Variants in UBE3D observed in about 807,000 individuals in gnomAD.
The protein encoded by UBE3D is E3 ubiquitin-protein ligase E3D.
Under a neutral mutation model 49.6 loss-of-function variants are expected in UBE3D, and 48 were observed. That is an observed-to-expected ratio of 0.97 (90% CI 0.77 to 1.23). The LOEUF is 1.23. Ranked by LOEUF, UBE3D falls within the 50% of genes most tolerant of loss-of-function variation. UBE3D has a pLI of 0.00. For missense variants in UBE3D, 452 were observed against 468.4 expected (o/e 0.96, Z 0.32); for synonymous variants, 189 against 174.2 (o/e 1.08, Z -0.67).
intron 9 of UBE3D, among the ~76,000 whole-genome samples, chr6:82,946,365 T>A (rs1489708881): frequency 6.6e-6 from 1 of 151,344 alleles, no homozygotes; most frequent in Non-Finnish European, 1.5e-5. Context: ...CTATTTAAAA[T>A]GCTGAAGGAA....
chr6:82,989,499 C>T (rs1477967263), intron 8 of UBE3D, among the ~76,000 whole-genome samples: 2 of 151,970 alleles, frequency 1.3e-5, no homozygotes, highest in East Asian at 3.9e-4. Flanking sequence ...TGTAAAGGGC[C>T]AGATAGTAAA....
At chr6:83,015,041 C>T (rs1371785358) in intron 8 of UBE3D, among the ~76,000 whole-genome samples, 3 of 152,188 alleles carry the variant, frequency 2.0e-5, no homozygotes, top group African/African-American at 7.2e-5. Flanking sequence ...GTATGCCCAC[C>T]TTGCCTTTGA....
chr6:83,027,458 A>AAAAG (rs1255746003), intron 5 of UBE3D, among the ~76,000 whole-genome samples: 1 of 147,466 alleles, frequency 6.8e-6, no homozygotes, highest in African/African-American at 2.5e-5. Context: ...AAAAAAAAAA[A>AAAAG]AAAGAAACCA....
intron 1 of UBE3D, among the ~76,000 whole-genome samples, chr6:83,060,359 A>C (rs981850133): frequency 2.0e-5 from 3 of 152,236 alleles, no homozygotes; most frequent in African/African-American, 7.2e-5. Flanking sequence ...AAAAAGAGAA[A>C]GCGAGGAAAC....
At chr6:82,925,001 T>C (rs1773641518) in intron 9 of UBE3D, 1 of 152,476 alleles carries the variant, frequency 6.6e-6, no homozygotes, top group African/African-American at 2.4e-5. Context: ...CCCCTACAGA[T>C]TGATATTTCC....
chr6:83,032,923 C>A (rs1781984216), intron 5 of UBE3D, among the ~76,000 whole-genome samples: 1 of 152,170 alleles, frequency 6.6e-6, no homozygotes, highest in South Asian at 2.1e-4. Flanking sequence ...GAGGCCTCCC[C>A]AGTCATGTGA....
intron 6 of UBE3D, 76 bp downstream of exon 6, chr6:83,023,893 C>CA: frequency 2.0e-6 from 2 of 1,018,834 alleles, no homozygotes; most frequent in South Asian, 1.7e-5. Flanking sequence ...AATTCAAAAC[C>CA]AAAAAATAAA....
At chr6:83,032,364 T>G in intron 5 of UBE3D, 1 of 435,586 alleles carries the variant, frequency 2.3e-6, no homozygotes, top group South Asian at 1.6e-5. Flanking sequence ...GTTTGACTAC[T>G]TTGCTGGATT....
At chr6:82,926,824 A>G (rs1293166234) in intron 9 of UBE3D, among the ~76,000 whole-genome samples, 3 of 151,956 alleles carry the variant, frequency 2.0e-5, no homozygotes, top group African/African-American at 4.8e-5. Flanking sequence ...TATTCTCTAT[A>G]GTGTCTTTTG....
intron 9 of UBE3D, among the ~76,000 whole-genome samples, chr6:82,894,474 A>T (rs1388903486): frequency 2.0e-5 from 3 of 151,954 alleles, no homozygotes; most frequent in Non-Finnish European, 4.4e-5. Context: ...ACCCATACCT[A>T]TAAGTACCCC....
At chr6:82,984,614 A>G (rs1243573178) in intron 8 of UBE3D, among the ~76,000 whole-genome samples, 1 of 152,178 alleles carries the variant, frequency 6.6e-6, no homozygotes, top group East Asian at 1.9e-4. Flanking sequence ...AGTTTCATTT[A>G]CATTTCTTTA....
At chr6:82,981,335 C>A (rs1393948295) in intron 8 of UBE3D, among the ~76,000 whole-genome samples, 1 of 151,974 alleles carries the variant, frequency 6.6e-6, no homozygotes, top group East Asian at 1.9e-4. Context: ...GTTTTTATTA[C>A]CAAGATCATT....
chr6:83,054,293 A>G (rs990375859), intron 2 of UBE3D, 55 bp from the exon 3 acceptor site: 47 of 1,343,864 alleles, frequency 3.5e-5, no homozygotes, highest in African/African-American at 4.3e-5. Context: ...ATATATTAAC[A>G]TACTTAAACA....
intron 9 of UBE3D, chr6:82,932,486 G>C (rs1256597283): frequency 1.3e-5 from 2 of 151,928 alleles, no homozygotes; most frequent in East Asian, 3.9e-4. Flanking sequence ...CATTTTCCCA[G>C]CATTTTAAAC....
downstream of UBE3D, among the ~76,000 whole-genome samples, chr6:82,887,406 T>TG (rs1351772487): frequency 2.6e-4 from 39 of 147,418 alleles, 1 homozygote; most frequent in Admixed American, 6.0e-4. Flanking sequence ...TTTTTTTTTT[T>TG]TTTTTTCAGA....
rs61225462 is a variant in UBE3D at position 83,027,434 on chromosome 6, C to CAAAAAAAAAAAAAAAAAAAAAAAAAA, written c.668-3422_668-3397dup. On this transcript the variant is annotated intron_variant, in intron 5 of 9. Coordinates refer to ENST00000369747, the MANE Select transcript of UBE3D (RefSeq NM_198920.3). Reference sequence around the variant, plus strand: ...CTGGCGACAGAGCGAGACTCCGTCTCAAAAAAAAAAAAAAAAAAAAAAAAA... The same window carrying CAAAAAAAAAAAAAAAAAAAAAAAAAA: ...CTGGCGACAGAGCGAGACTCCGTCTCAAAAAAAAAAAAAAAAAAAAAAAAAAAAAAAAAAAAAAAAAAAAAAAAAAA... Among the ~76,000 whole-genome samples, 11 of 34,644 alleles carry CAAAAAAAAAAAAAAAAAAAAAAAAAA rather than the reference C, an allele frequency of 3.2e-4. 1 individual carries two copies. The highest frequency in any genetic ancestry group is 9.1e-4 in the Admixed American group (2 of 2,204). The allele number at this position is 34,644 out of a possible 152,430, so 22.7% of individuals were successfully genotyped here. A position where few individuals can be genotyped will look rare whatever the true frequency, so the allele number is the denominator to read the frequency against.
intron 4 of UBE3D, among the ~76,000 whole-genome samples, chr6:83,043,003 A>G (rs1040967148): frequency 1.3e-5 from 2 of 152,222 alleles, no homozygotes; most frequent in African/African-American, 4.8e-5. Flanking sequence ...TTTCAACAGC[A>G]TCTTGTCTTG....
At chr6:82,969,795 C>A (rs1777216022) in intron 8 of UBE3D, among the ~76,000 whole-genome samples, 1 of 151,872 alleles carries the variant, frequency 6.6e-6, no homozygotes, top group Non-Finnish European at 1.5e-5. Context: ...GTTAGAATCC[C>A]AAAAGGGTTG....
chr6:82,960,244 G>A (rs551920901), intron 8 of UBE3D, among the ~76,000 whole-genome samples: 1 of 152,268 alleles, frequency 6.6e-6, no homozygotes, highest in African/African-American at 2.4e-5. Context: ...TACATTGATT[G>A]ACTGGTTCTG....
Sources: allele counts gnomAD v4.1 joint callset (sites outside exome capture counted in the v4.1 genomes callset), GRCh38; gene constraint gnomAD v4.1.1; transcripts MANE v1.5; gene names NCBI Gene and HGNC (gene_info 2026-07-23, HGNC 2026-07-21).